Variants in CACNA1D observed in about 807,000 individuals in gnomAD.
CACNA1D encodes voltage-dependent L-type calcium channel subunit alpha-1D.
A neutral mutation model predicts 257.1 loss-of-function variants in CACNA1D; 55 were observed. The ratio of observed to expected loss-of-function variants is 0.21; its 90% CI spans 0.17 to 0.27. The LOEUF is 0.27. Ranked by LOEUF, CACNA1D falls within the 10% of genes least tolerant of loss-of-function variation. The pLI, the probability that CACNA1D is intolerant of heterozygous loss-of-function variation, is 1.00. For missense variants in CACNA1D, 1,876 were observed against 2,784.0 expected (o/e 0.67, Z 7.34); for synonymous variants, 980 against 1,014.9 (o/e 0.97, Z 0.65).
chr3:53,700,305 T>C (rs1045092420), intron 8 of CACNA1D, among the ~76,000 whole-genome samples: 3 of 151,986 alleles, frequency 2.0e-5, no homozygotes, highest in Admixed American at 6.6e-5. Flanking sequence ...AATCAAAACA[T>C]GCAAACAGAT....
In CACNA1D at chr3:53,731,115, A is replaced by T; in HGVS notation, c.2375A>T (p.Glu792Val). Residue 792 changes from glutamate (E) to valine (V), a missense_variant, in exon 17 of 48, where the codon GAA becomes GTA. Transcript: ENST00000350061. Reference protein sequence around the residue: ...SLENKKNNKPEVNQIANSDNK... With the variant: ...SLENKKNNKPVVNQIANSDNK... ...GAAAATAAAAAGAACAACAAACCAG[A>T]AGTCAACCAGATAGCCAACAGTGAC... The T allele has an allele frequency of 3.1e-6, 5 of 1,612,144 alleles. No individual in the cohort carries two copies. Among genetic ancestry groups the T allele is most frequent in the Non-Finnish European group, 4.2e-6 (5 of 1,178,166 alleles).
intron 3 of CACNA1D, among the ~76,000 whole-genome samples, chr3:53,613,380 G>C (rs116307006): frequency 6.6e-6 from 1 of 152,014 alleles, no homozygotes; most frequent in East Asian, 1.9e-4. Context: ...TCTCAGTAAT[G>C]ATAGTTGTTC....
intron 3 of CACNA1D, among the ~76,000 whole-genome samples, chr3:53,538,148 T>G (rs1318699059): frequency 3.2e-5 from 3 of 93,380 alleles, no homozygotes; most frequent in Non-Finnish European, 8.0e-5. Context: ...GAAGTTTTTT[T>G]TTTTTTTTTT....
At chr3:53,599,330 G>A (rs1429862181) in intron 3 of CACNA1D, among the ~76,000 whole-genome samples, 2 of 152,126 alleles carry the variant, frequency 1.3e-5, no homozygotes, top group Non-Finnish European at 2.9e-5. Context: ...GCATCTTGGG[G>A]TAGCAAAATC....
chr3:53,504,312 A>G (rs2090732468), intron 3 of CACNA1D, among the ~76,000 whole-genome samples: 2 of 152,100 alleles, frequency 1.3e-5, no homozygotes, highest in African/African-American at 4.8e-5. Context: ...ATCCAGGGCC[A>G]GCTTTATGTA....
chr3:53,504,510 T>A (rs565601675), intron 3 of CACNA1D, among the ~76,000 whole-genome samples: 19 of 152,260 alleles, frequency 1.2e-4, no homozygotes, highest in African/African-American at 1.2e-4. Context: ...TTTATTTTTT[T>A]AAAAATATAA....
At chr3:53,634,406 A>G (rs1267845325) in intron 3 of CACNA1D, among the ~76,000 whole-genome samples, 2 of 152,208 alleles carry the variant, frequency 1.3e-5, no homozygotes, top group East Asian at 3.8e-4. Context: ...CACCTGGCCA[A>G]CAGGACTTCC....
intron 2 of CACNA1D, among the ~76,000 whole-genome samples, chr3:53,499,642 A>T (rs1482317261): frequency 6.6e-6 from 1 of 152,200 alleles, no homozygotes; most frequent in Non-Finnish European, 1.5e-5. Context: ...AAGAAAAAAA[A>T]ATACAACTTA....
rs144397311 is a variant in CACNA1D, at chr3:53,755,843, A to G, written c.3786+2161A>G. Among the ~76,000 whole-genome samples the G allele has an allele frequency of 9.6e-3, 1,458 of 152,186 alleles. 31 individuals carry two copies. Among genetic ancestry groups the G allele is most frequent in the African/African-American group, 0.033 (1,367 of 41,502 alleles). ...TCTTCTCTTTGGTGTTCACAAGCCC[A>G]GCCCGAGCAAGTGGTCTTTCACAAA... On this transcript the variant is annotated intron_variant, in intron 29 of 47. Coordinates refer to ENST00000350061, the MANE Select transcript of CACNA1D (RefSeq NM_001128840.3).
At chr3:53,631,799 C>G (rs1041912487) in intron 3 of CACNA1D, among the ~76,000 whole-genome samples, 1 of 152,206 alleles carries the variant, frequency 6.6e-6, no homozygotes, top group Non-Finnish European at 1.5e-5. Context: ...TTGTGCATCT[C>G]CATCAGATCA....
chr3:53,717,803 G>C (rs1011304995), intron 9 of CACNA1D, among the ~76,000 whole-genome samples: 1 of 152,120 alleles, frequency 6.6e-6, no homozygotes, highest in Admixed American at 6.5e-5. Context: ...TGTTGTGCAT[G>C]GTACCTTCAT....
At chr3:53,618,890 C>T (rs2093665369) in intron 3 of CACNA1D, among the ~76,000 whole-genome samples, 1 of 152,198 alleles carries the variant, frequency 6.6e-6, no homozygotes, top group Non-Finnish European at 1.5e-5. Context: ...CAAGTCACTT[C>T]ACCTCTTTGA....
rs11926797 is a variant in CACNA1D at position 53,672,240 on chromosome 3, G to C, written c.1117-783G>C. Among the ~76,000 whole-genome samples, 495 of 152,324 alleles carry C rather than the reference G, an allele frequency of 3.2e-3. 1 individual carries two copies. The highest frequency in any genetic ancestry group is 0.011 in the African/African-American group (438 of 41,562). ...CAGCTGGAGCCAGTCTCCCAGGGGG[G>C]TCATCTAGATCAAAGCTAAGTGTGG... On this transcript the variant is annotated intron_variant, in intron 7 of 47. Transcript: ENST00000350061.
At chr3:53,593,724 C>T (rs1360797341) in intron 3 of CACNA1D, among the ~76,000 whole-genome samples, 1 of 152,198 alleles carries the variant, frequency 6.6e-6, no homozygotes, top group East Asian at 1.9e-4. Context: ...TCCAAGGCCA[C>T]CCAAGGAGCT....
At chr3:53,503,641 G>A (rs1397502921) in intron 3 of CACNA1D, among the ~76,000 whole-genome samples, 6 of 152,144 alleles carry the variant, frequency 3.9e-5, no homozygotes, top group African/African-American at 1.4e-4. Flanking sequence ...TATAGGCACT[G>A]TCAGACCATT....
At chr3:53,734,268 G>A (rs562221720) in intron 19 of CACNA1D, among the ~76,000 whole-genome samples, 2 of 150,980 alleles carry the variant, frequency 1.3e-5, no homozygotes, top group South Asian at 4.2e-4. Flanking sequence ...CCAAGGAAAA[G>A]CTATCTATCT....
At chr3:53,757,678 C>T (rs1156631367) in intron 29 of CACNA1D, among the ~76,000 whole-genome samples, 2 of 152,200 alleles carry the variant, frequency 1.3e-5, no homozygotes, top group African/African-American at 2.4e-5. Context: ...TATATTTCTG[C>T]CTCATTTCCT....
chr3:53,539,693 T>G (rs2092244152), intron 3 of CACNA1D, among the ~76,000 whole-genome samples: 1 of 152,256 alleles, frequency 6.6e-6, no homozygotes, highest in Non-Finnish European at 1.5e-5. Context: ...TCATGCCAGC[T>G]GATATGCTCA....
chr3:53,504,955 A>G (rs2090763216), intron 3 of CACNA1D, among the ~76,000 whole-genome samples: 1 of 152,024 alleles, frequency 6.6e-6, no homozygotes, highest in Non-Finnish European at 1.5e-5. Context: ...TCATCTGCCA[A>G]GTCAGACCTT....
Sources: allele counts gnomAD v4.1 joint callset (sites outside exome capture counted in the v4.1 genomes callset), GRCh38; gene constraint gnomAD v4.1.1; transcripts MANE v1.5; gene names NCBI Gene and HGNC (gene_info 2026-07-23, HGNC 2026-07-21).